The following DRAM1 variants were observed in gnomAD, a reference collection of about 807,000 sequenced individuals.
DRAM1 encodes the protein DNA damage-regulated autophagy modulator protein 1.
In DRAM1, 25 loss-of-function variants were observed where a neutral mutation model predicts 28.5. That is an observed-to-expected ratio of 0.88 (90% CI 0.64 to 1.23). The LOEUF (loss-of-function observed/expected upper bound fraction) is 1.23. Among genes scored for constraint, DRAM1 ranks in the 50% most tolerant of loss-of-function variants. DRAM1 has a pLI of 0.00. For missense variants in DRAM1, 249 were observed against 299.2 expected (o/e 0.83, Z 1.24); for synonymous variants, 113 against 114.2 (o/e 0.99, Z 0.07).
chr12:101,907,777 T>C (rs1873879352), intron 3 of DRAM1, among the ~76,000 whole-genome samples: 1 of 152,116 alleles, frequency 6.6e-6, no homozygotes, highest in South Asian at 2.1e-4. Flanking sequence ...TTGTATATGA[T>C]ATGTATCCTA....
intron 1 of DRAM1, among the ~76,000 whole-genome samples, chr12:101,887,214 T>G (rs1054891714): frequency 1.3e-5 from 2 of 151,784 alleles, no homozygotes; most frequent in African/African-American, 4.8e-5. Context: ...CGAAAAAAAT[T>G]TGTAGCCTTT....
At chr12:101,899,054 C>T (rs144545023) in intron 2 of DRAM1, among the ~76,000 whole-genome samples, 59 of 152,328 alleles carry the variant, frequency 3.9e-4, no homozygotes, top group African/African-American at 1.2e-3. Flanking sequence ...TTGTAACCAA[C>T]GCTTTCTGTT....
At position 101,901,349 on chromosome 12, in the gene DRAM1, T is replaced by C; in HGVS notation, c.258T>C (p.Tyr86=). Residue 86 remains tyrosine, a synonymous_variant, in exon 3 of 7, where the codon TAT becomes TAC. Coordinates refer to ENST00000258534, the MANE Select transcript of DRAM1 (RefSeq NM_018370.3). ...TACAGAAGCAAAATCAAACCTGCTA[T>C]TTCAGCACTCCTGTTTTTAACTTGG... ...KIVQKQNQTC[Y]FSTPVFNLVS... The C allele has an allele frequency of 6.2e-7, 1 of 1,614,216 alleles. No homozygotes were observed. Among genetic ancestry groups the C allele is most frequent in the Non-Finnish European group, 8.5e-7 (1 of 1,180,038 alleles).
chr12:101,882,180 CT>C (rs1009771827), intron 1 of DRAM1, among the ~76,000 whole-genome samples: 3 of 146,342 alleles, frequency 2.0e-5, no homozygotes, highest in African/African-American at 5.0e-5. Flanking sequence ...GCGATCTCGG[CT>C]CACTGCAAGC....
At chr12:101,899,011 C>G (rs537823485) in intron 2 of DRAM1, among the ~76,000 whole-genome samples, 2 of 152,160 alleles carry the variant, frequency 1.3e-5, no homozygotes, top group African/African-American at 2.4e-5. Flanking sequence ...ATAATCTCCC[C>G]CCAAACAATC....
chr12:101,897,895 T>G lies in DRAM1; in HGVS notation c.164T>G (p.Ile55Ser), dbSNP rs2121086766. The G allele has an allele frequency of 6.2e-7, 1 of 1,609,298 alleles. No individual in the cohort carries two copies. Among genetic ancestry groups the G allele is most frequent in the East Asian group, 2.2e-5 (1 of 44,794 alleles). ...GGAACAACACCTCCAGAGAGTGGTATTTTTGGATTTATGATAAACTTCTCT... is the reference window on the plus strand; with the variant it reads ...GGAACAACACCTCCAGAGAGTGGTAGTTTTGGATTTATGATAAACTTCTCT... The part of the protein sequence containing the change: ...DTGTTPPESG[I>S]FGFMINFSAF... Residue 55 changes from isoleucine (I) to serine (S), a missense_variant, in exon 2 of 7, where the codon ATT becomes AGT. By Grantham distance (142) the Ile-to-Ser change is moderately radical (BLOSUM62 -2). This residue lies in a region of DRAM1 where 218 missense variants were observed against 243.1 expected (regional missense o/e 0.90). Transcript: ENST00000258534.
At chr12:101,910,906 G>A (rs1288473442) in intron 4 of DRAM1, among the ~76,000 whole-genome samples, 1 of 152,104 alleles carries the variant, frequency 6.6e-6, no homozygotes, top group African/African-American at 2.4e-5. Flanking sequence ...TTAAACATTA[G>A]TGTGGTATTT....
chr12:101,887,163 T>G (rs1181270002), intron 1 of DRAM1, among the ~76,000 whole-genome samples: 1 of 126,932 alleles, frequency 7.9e-6, no homozygotes, highest in Admixed American at 7.8e-5. Flanking sequence ...AAAAAAAAAT[T>G]GGTTAAATGC....
At chr12:101,886,782 CTG>C (rs1872899658) in intron 1 of DRAM1, among the ~76,000 whole-genome samples, 1 of 152,134 alleles carries the variant, frequency 6.6e-6, no homozygotes, top group African/African-American at 2.4e-5. Flanking sequence ...TGTATTGTAA[CTG>C]TGTGACTTAA....
At chr12:101,920,595 A>G (rs1470615679) in intron 6 of DRAM1, among the ~76,000 whole-genome samples, 1 of 152,156 alleles carries the variant, frequency 6.6e-6, no homozygotes, top group Non-Finnish European at 1.5e-5. Flanking sequence ...TCCAAATAAT[A>G]CAAAGTAAAT....
intron 3 of DRAM1, among the ~76,000 whole-genome samples, chr12:101,907,589 A>G (rs1459797537): frequency 2.6e-5 from 4 of 151,502 alleles, no homozygotes; most frequent in Non-Finnish European, 5.9e-5. Flanking sequence ...AAATACAAAA[A>G]TTAGCCGGGC....
At chr12:101,896,394 T>C (rs1873375955) in intron 1 of DRAM1, among the ~76,000 whole-genome samples, 1 of 152,202 alleles carries the variant, frequency 6.6e-6, no homozygotes, top group Non-Finnish European at 1.5e-5. Context: ...TGTTTCATGT[T>C]GGGAGCTCTT....
intron 1 of DRAM1, among the ~76,000 whole-genome samples, chr12:101,879,834 A>T (rs1342477059): frequency 6.6e-6 from 1 of 151,950 alleles, no homozygotes; most frequent in Non-Finnish European, 1.5e-5. Flanking sequence ...TCTCTACTAA[A>T]AATACAGAAA....
At chr12:101,892,734 A>G (rs77547276) in intron 1 of DRAM1, among the ~76,000 whole-genome samples, 2,056 of 152,290 alleles carry the variant, frequency 0.014, 25 homozygotes, top group Non-Finnish European at 0.02. Flanking sequence ...AATTATTTTT[A>G]TGTATTTTTT....
intron 1 of DRAM1, among the ~76,000 whole-genome samples, chr12:101,882,470 G>A (rs113660946): frequency 3.9e-4 from 59 of 151,332 alleles, no homozygotes; most frequent in African/African-American, 1.3e-3. Flanking sequence ...CAACCATAAG[G>A]AGGACCTCTC....
At chr12:101,884,575 C>T (rs550435498) in intron 1 of DRAM1, among the ~76,000 whole-genome samples, 6 of 152,148 alleles carry the variant, frequency 3.9e-5, no homozygotes, top group South Asian at 4.1e-4. Context: ...TCAGTGTTGC[C>T]GATTCTAGAT....
At chr12:101,903,038 C>A (rs1873663472) in intron 3 of DRAM1, among the ~76,000 whole-genome samples, 1 of 151,998 alleles carries the variant, frequency 6.6e-6, no homozygotes, top group African/African-American at 2.4e-5. Context: ...CATGCCTCAG[C>A]CTCCCGAGTA....
Position 101,921,579 on chromosome 12 carries a change from TTG to T in DRAM1, c.*321_*322del, listed in dbSNP as rs754484303. 6 of 207,104 alleles carry T rather than the reference TTG, an allele frequency of 2.9e-5. No individual in the cohort carries two copies. The highest frequency in any genetic ancestry group is 1.4e-4 in the South Asian group (1 of 7,098). The allele number at this position is 207,104 out of a possible 1,614,324, so 12.8% of individuals were successfully genotyped here. ...TATTTTTGTACAGATTCTGTCGTTT[TTG>T]TTTTATTTGTGTGAGATTTATGGAA... On this transcript the variant is annotated 3_prime_UTR_variant, in exon 7 of 7. Transcript: ENST00000258534.
chr12:101,882,107 ATTTTTTTTTTTTTT>A (rs78402038), intron 1 of DRAM1, among the ~76,000 whole-genome samples: 5,442 of 129,552 alleles, frequency 0.042, 353 homozygotes, highest in African/African-American at 0.14. Context: ...TGATGGTCTA[ATTTTTTTTTTTTTT>A]TTTTTTTTTT....
Sources: gnomAD v4.1 joint callset for allele counts (sites outside exome capture counted in the v4.1 genomes callset) on GRCh38, gnomAD v4.1.1 for gene constraint, gnomAD v4.1.1 regional missense constraint, MANE v1.5 for transcripts, NCBI Gene and HGNC (gene_info 2026-07-23, HGNC 2026-07-21) for gene names.